The following PCDHA8 variants were observed in gnomAD, a reference collection of about 807,000 sequenced individuals.
PCDHA8 encodes protocadherin alpha-8.
PCDHA8 carries 53 observed loss-of-function variants against 61.8 expected under a neutral mutation model. The observed-to-expected ratio is 0.86, with a 90% CI of 0.69 to 1.08. The LOEUF (loss-of-function observed/expected upper bound fraction) is 1.08, where lower values mean the gene tolerates loss of function less well. Among genes scored for constraint, PCDHA8 ranks in the 50% least tolerant of loss-of-function variants. The pLI, the probability that PCDHA8 is intolerant of heterozygous loss-of-function variation, is 0.00. For missense variants in PCDHA8, 1,293 were observed against 1,245.0 expected (o/e 1.04, Z -0.58); for synonymous variants, 618 against 556.6 (o/e 1.11, Z -1.55).
At chr5:140,867,461 T>C (rs1197194209) in intron 1 of PCDHA8, 1 of 152,126 alleles carries the variant, frequency 6.6e-6, no homozygotes, top group African/African-American at 2.4e-5. Context: ...TCTAGTGTTA[T>C]GACAACATTG....
At chr5:140,869,764 G>A (rs1554163420) in intron 1 of PCDHA8, 4 of 1,613,244 alleles carry the variant, frequency 2.5e-6, no homozygotes, top group East Asian at 4.5e-5. Context: ...GGGAAAACCA[G>A]AGCTTACTGG....
chr5:140,922,350 G>A (rs2080793001), intron 1 of PCDHA8, among the ~76,000 whole-genome samples: 11 of 152,212 alleles, frequency 7.2e-5, no homozygotes, highest in Admixed American at 7.2e-4. Context: ...GTATTTTCTA[G>A]AGTAGTGATT....
intron 1 of PCDHA8, among the ~76,000 whole-genome samples, chr5:140,950,382 A>G (rs1424724989): frequency 3.3e-5 from 5 of 151,950 alleles, no homozygotes; most frequent in African/African-American, 7.2e-5. Context: ...CTTCCATTTG[A>G]ATGATATAGA....
At chr5:140,886,138 T>C (rs1166911705) in intron 1 of PCDHA8, among the ~76,000 whole-genome samples, 2 of 152,208 alleles carry the variant, frequency 1.3e-5, no homozygotes, top group African/African-American at 4.8e-5. Flanking sequence ...AACCAGATTC[T>C]TGATATCACC....
At chr5:140,928,685 A>G (rs899513448) in intron 1 of PCDHA8, 36 of 1,614,050 alleles carry the variant, frequency 2.2e-5, no homozygotes, top group Non-Finnish European at 3.1e-5. Context: ...TGGCTTTCCT[A>G]CCACATCTCC....
intron 1 of PCDHA8, chr5:140,851,418 C>G: frequency 1.0e-6 from 1 of 958,736 alleles, no homozygotes; most frequent in South Asian, 4.8e-5. Flanking sequence ...AGAAACTTCC[C>G]CTAAACTTTA....
intron 1 of PCDHA8, chr5:140,968,253 C>T: frequency 6.2e-7 from 1 of 1,614,026 alleles, no homozygotes; most frequent in Non-Finnish European, 8.5e-7. Context: ...GCCACAGACC[C>T]AGATGAAAAG....
rs142074942 is a variant in PCDHA8, at chr5:140,842,421, C to T, written c.1100C>T (p.Thr367Ile). Reference sequence around the variant, plus strand: ...GTACGTGAAGACGCTCAATTTGGTACTGTCATCGCCCTAATTAGCGTGAAC... The same window carrying T: ...GTACGTGAAGACGCTCAATTTGGTATTGTCATCGCCCTAATTAGCGTGAAC... ...LPVREDAQFG[T>I]VIALISVNDL... is the part of the protein sequence containing the mutation. Residue 367 changes from threonine (T) to isoleucine (I), a missense_variant, in exon 1 of 4, where the codon ACT (threonine) becomes ATT (isoleucine). By Grantham distance (89) the Thr-to-Ile change is moderately conservative. Coordinates refer to ENST00000531613, the MANE Select transcript of PCDHA8 (RefSeq NM_018911.3). The T allele has an allele frequency of 2.6e-4, 427 of 1,613,464 alleles. 6 individuals carry two copies. In the African/African-American group the frequency reaches 2.7e-3, roughly 10 times the overall value.
At chr5:141,009,494 A>T in intron 3 of PCDHA8, 133 bp from the exon 4 acceptor site, 1 of 1,488,918 alleles carries the variant, frequency 6.7e-7, no homozygotes, top group South Asian at 1.4e-5. Flanking sequence ...TTGCCCTCAG[A>T]CTTGAACAAA....
intron 1 of PCDHA8, among the ~76,000 whole-genome samples, chr5:140,873,904 G>A (rs936002886): frequency 6.6e-6 from 1 of 152,074 alleles, no homozygotes; most frequent in African/African-American, 2.4e-5. Flanking sequence ...CAGGTGATCT[G>A]CCTGCCTCAG....
At chr5:140,850,446 G>C in intron 1 of PCDHA8, 1 of 1,598,030 alleles carries the variant, frequency 6.3e-7, no homozygotes, top group South Asian at 1.1e-5. Context: ...ACTGGTGCTG[G>C]TGAAAGACCA....
chr5:140,929,289 G>C (rs574226775), intron 1 of PCDHA8: 2 of 1,597,364 alleles, frequency 1.3e-6, no homozygotes, highest in African/African-American at 2.7e-5. Flanking sequence ...TTCAGATTCG[G>C]AATAGGAAAG....
Position 140,852,527 on chromosome 5 carries a change from C to T in PCDHA8, c.2394+8812C>T, listed in dbSNP as rs184052538. The T allele has an allele frequency of 1.0e-4, 41 of 393,270 alleles. 2 individuals are homozygous for T. Among genetic ancestry groups the T allele is most frequent in the African/African-American group, 6.6e-4 (30 of 45,558 alleles). 24.4% of individuals were successfully genotyped at this position (393,270 alleles called of 1,614,324 possible). A position where few individuals can be genotyped will look rare whatever the true frequency, so the allele number is the denominator to read the frequency against. On this transcript the variant is annotated intron_variant, in intron 1 of 3. Transcript: ENST00000531613. ...TCCTGACCTTGTGATGCTCCCACCT[C>T]GGCCTCCCAAAGTGCTGGGATTAAA...
intron 1 of PCDHA8, among the ~76,000 whole-genome samples, chr5:140,959,554 A>G (rs1375729843): frequency 6.6e-6 from 1 of 152,210 alleles, no homozygotes; most frequent in Non-Finnish European, 1.5e-5. Context: ...TATAAATAGA[A>G]TCAGTACTAG....
intron 1 of PCDHA8, among the ~76,000 whole-genome samples, chr5:140,976,317 G>A (rs1284415282): frequency 6.6e-6 from 1 of 152,212 alleles, no homozygotes; most frequent in Admixed American, 6.5e-5. Context: ...TTGGGAGGCC[G>A]AGGAGGGTGG....
chr5:140,849,848 C>A (rs2150453425), intron 1 of PCDHA8: 1 of 1,598,546 alleles, frequency 6.3e-7, no homozygotes, highest in African/African-American at 1.3e-5. Context: ...TGAACGACAA[C>A]GCACCAGCGT....
chr5:140,913,284 G>A (rs1201275371), intron 1 of PCDHA8, among the ~76,000 whole-genome samples: 1 of 152,026 alleles, frequency 6.6e-6, no homozygotes, highest in Non-Finnish European at 1.5e-5. Context: ...GTCTGTTTAG[G>A]TTTTAATTTC....
Position 140,843,706 on chromosome 5 carries a change from T to C in PCDHA8, c.2385T>C (p.His795=), listed in dbSNP as rs147955219. 3.2e-6 allele frequency: 5 copies of C among 1,580,440 alleles called. No homozygotes were observed. In the East Asian group the frequency reaches 1.1e-4, roughly 35 times the overall value. Residue 795 remains histidine (H), a synonymous_variant, in exon 1 of 4, where the codon CAT becomes CAC. Transcript: ENST00000531613. ...VGEEQDLNVD[H]GLKPRQPNPD... is the part of the protein sequence containing the mutation. ...AAGAGCAAGATTTAAATGTTGATCA[T>C]GGCCTCAAAGTAAGTCCATTTAAAT...
At chr5:140,937,142 A>G (rs1362886135) in intron 1 of PCDHA8, among the ~76,000 whole-genome samples, 1 of 147,852 alleles carries the variant, frequency 6.8e-6, no homozygotes, top group Non-Finnish European at 1.5e-5. Context: ...GGTTCATGCC[A>G]TTCTCCTGCC....
Sources: allele counts gnomAD v4.1 joint callset (sites outside exome capture counted in the v4.1 genomes callset), GRCh38; gene constraint gnomAD v4.1.1; transcripts MANE v1.5; gene names NCBI Gene and HGNC (gene_info 2026-07-23, HGNC 2026-07-21).